The following MTMR10 variants were observed in gnomAD, a reference collection of about 807,000 sequenced individuals.
MTMR10 encodes the protein myotubularin related protein 10, also known as myotubularin-related protein 10.
MTMR10 carries 56 observed loss-of-function variants against 88.1 expected under a neutral mutation model. The observed-to-expected ratio is 0.64, with a 90% CI of 0.51 to 0.79. The LOEUF (loss-of-function observed/expected upper bound fraction) is 0.79, where lower values mean the gene tolerates loss of function less well. Among genes scored for constraint, MTMR10 ranks in the 30% least tolerant of loss-of-function variants. MTMR10 has a pLI of 0.00. For synonymous variants in MTMR10, 380 were observed against 340.9 expected, an observed-to-expected ratio of 1.11 and a Z score of -1.26; for missense variants, 883 against 924.7, an observed-to-expected ratio of 0.95 and a Z score of 0.58.
At chr15:30,981,351 T>A (rs1203734999) in intron 2 of MTMR10, among the ~76,000 whole-genome samples, 1 of 152,258 alleles carries the variant, frequency 6.6e-6, no homozygotes, top group African/African-American at 2.4e-5. Context: ...ACCTGACAGA[T>A]ATCACTTTAA....
intron 2 of MTMR10, among the ~76,000 whole-genome samples, chr15:30,983,688 C>T (rs1050848109): frequency 3.3e-5 from 5 of 152,202 alleles, no homozygotes; most frequent in Admixed American, 6.5e-5. Flanking sequence ...CCCAGTTTGT[C>T]TGGGACAGAG....
Position 30,939,947 on chromosome 15 carries a change from CTCCTG to C in MTMR10, c.*1518_*1522del, listed in dbSNP as rs2062982556. ...AATTTCTTAAGATATTTTTTAAGAA[CTCCTG>C]TCCTGTTATATCCAGAGACATTATC... is the stretch of plus-strand genomic sequence containing the variant. On this transcript the variant is annotated 3_prime_UTR_variant, in exon 16 of 16. Coordinates refer to ENST00000435680, the MANE Select transcript of MTMR10 (RefSeq NM_017762.3). The C allele has an allele frequency of 1.0e-5, 10 of 984,578 alleles. No individual in the cohort carries two copies. Among genetic ancestry groups the C allele is most frequent in the Non-Finnish European group, 1.2e-5 (10 of 829,250 alleles). The allele number at this position is 984,578 out of a possible 1,614,324, so 61.0% of individuals were successfully genotyped here.
Position 30,939,947 on chromosome 15 carries a change from C to A in MTMR10, c.*1523G>T. The A allele has an allele frequency of 1.0e-6, 1 of 984,696 alleles. No homozygotes were observed. The highest frequency in any genetic ancestry group is 1.7e-5 in the African/African-American group (1 of 57,364). The allele number at this position is 984,696 out of a possible 1,614,324, so 61.0% of individuals were successfully genotyped here. A position where few individuals can be genotyped will look rare whatever the true frequency, so the allele number is the denominator to read the frequency against. ...AATTTCTTAAGATATTTTTTAAGAA[C>A]TCCTGTCCTGTTATATCCAGAGACA... is the stretch of plus-strand genomic sequence containing the variant. On this transcript the variant is annotated 3_prime_UTR_variant, in exon 16 of 16. Transcript: ENST00000435680.
At chr15:30,981,986 G>A (rs150355309) in intron 2 of MTMR10, among the ~76,000 whole-genome samples, 2 of 151,514 alleles carry the variant, frequency 1.3e-5, no homozygotes, top group African/African-American at 4.9e-5. Context: ...CAGGAGAATC[G>A]CTCAAACTCG....
In MTMR10 at chr15:30,941,906, T is replaced by C; in HGVS notation, c.1898A>G (p.Glu633Gly). 6.2e-7 allele frequency: 1 copy of C among 1,614,014 alleles called. No homozygotes were observed. The highest frequency in any genetic ancestry group is 8.5e-7 in the Non-Finnish European group (1 of 1,179,898). The change falls in exon 16 of 16, where the codon GAA becomes GGA. Residue 633 changes from glutamate (E) to glycine (G), a missense_variant. By Grantham distance (98) the Glu-to-Gly change is moderately conservative. Transcript: ENST00000435680. ...QNSDTEQYFREWFSKPANLHG... is the reference protein window; with the variant it reads ...QNSDTEQYFRGWFSKPANLHG... ...CAGGTTGGCGGGTTTGGAAAACCAT[T>C]CTCTAAAATACTGCTCCGTATCACT...
At position 30,990,766 on chromosome 15, in the gene MTMR10, C is replaced by G. The variant is rs1566974209; in HGVS notation, c.121+11G>C. ...GCTAAAGTATCTGTTAGAATCCTAA[C>G]TAATGTTTACCTGGCAAAAGGACTG... On this transcript the variant is annotated intron_variant, in intron 2 of 15. Coordinates refer to ENST00000435680, the MANE Select transcript of MTMR10 (RefSeq NM_017762.3). The G allele has an allele frequency of 6.2e-7, 1 of 1,605,852 alleles. No individual in the cohort carries two copies. The highest frequency in any genetic ancestry group is 8.5e-7 in the Non-Finnish European group (1 of 1,175,282).
chr15:30,929,194 G>A, the MTMR10 span: 2 of 1,609,498 alleles, frequency 1.2e-6, no homozygotes, highest in South Asian at 1.1e-5. Context: ...TGCTTTCCCT[G>A]TGACACAGGC....
chr15:30,950,070 TTAAAAA>T (rs2063222720), intron 12 of MTMR10: 1 of 139,566 alleles, frequency 7.2e-6, no homozygotes, highest in Non-Finnish European at 1.6e-5. Flanking sequence ...AACAAACTGT[TTAAAAA>T]TAAACGTATA....
downstream of MTMR10, among the ~76,000 whole-genome samples, chr15:30,938,748 T>TATCA (rs955353519): frequency 6.6e-6 from 1 of 152,210 alleles, no homozygotes; most frequent in African/African-American, 2.4e-5. Flanking sequence ...GGGCATGATC[T>TATCA]ATCAATATCC....
chr15:30,931,517 A>ACCTTT, the MTMR10 span, among the ~76,000 whole-genome samples: 3 of 152,120 alleles, frequency 2.0e-5, no homozygotes, highest in African/African-American at 7.2e-5. Flanking sequence ...GGTCACAAAG[A>ACCTTT]GTTTCTCCTT....
At chr15:30,990,498 T>C (rs892643940) in intron 2 of MTMR10, among the ~76,000 whole-genome samples, 13 of 152,198 alleles carry the variant, frequency 8.5e-5, no homozygotes, top group African/African-American at 2.7e-4. Flanking sequence ...AAATGATTAA[T>C]CATTAATGCA....
At chr15:30,990,960 CT>C in intron 1 of MTMR10, 123 bp from the exon 2 acceptor site, 1 of 783,546 alleles carries the variant, frequency 1.3e-6, no homozygotes, top group Non-Finnish European at 2.0e-6. Flanking sequence ...CATTTAAATT[CT>C]TTCGCATATT....
intron 11 of MTMR10, 91 bp from the exon 12 acceptor site, chr15:30,952,129 CT>C (rs2063257230): frequency 9.4e-7 from 1 of 1,064,412 alleles, no homozygotes; most frequent in Non-Finnish European, 1.4e-6. Flanking sequence ...TAATTTCTCA[CT>C]TTACAGATGC....
chr15:30,925,132 C>T, the MTMR10 span: 1 of 1,613,248 alleles, frequency 6.2e-7, no homozygotes, highest in South Asian at 1.1e-5. Flanking sequence ...GCCAGACTAT[C>T]AAGTGCATCA....
the MTMR10 span, among the ~76,000 whole-genome samples, chr15:30,929,963 AAT>A: frequency 8.0e-6 from 1 of 125,000 alleles, no homozygotes; most frequent in South Asian, 2.2e-4. Flanking sequence ...TATATCATAT[AAT>A]ATATAAAATA....
the MTMR10 span, chr15:30,930,683 C>A: frequency 1.2e-6 from 2 of 1,612,118 alleles, no homozygotes; most frequent in Admixed American, 1.7e-5. Context: ...TCAGTTGAGG[C>A]AGAATGGAAA....
At chr15:30,920,623 G>A in the MTMR10 span, 2 of 1,611,176 alleles carry the variant, frequency 1.2e-6, no homozygotes, top group Admixed American at 1.7e-5. Context: ...CTCGGTTTGT[G>A]GAAATACTGC....
intron 4 of MTMR10, 116 bp from the exon 5 acceptor site, chr15:30,974,572 C>A (rs750170819): frequency 5.6e-5 from 57 of 1,013,658 alleles, no homozygotes; most frequent in Non-Finnish European, 7.1e-5. Context: ...TTGAGCTCTG[C>A]TTGTCTAGAA....
intron 13 of MTMR10, 73 bp downstream of exon 13, chr15:30,948,229 T>C: frequency 3.6e-6 from 5 of 1,394,894 alleles, no homozygotes; most frequent in Non-Finnish European, 4.8e-6. Flanking sequence ...AAAAGCCCCT[T>C]CATCTTTTAA....
Sources: gnomAD v4.1 joint callset for allele counts (sites outside exome capture counted in the v4.1 genomes callset) on GRCh38, gnomAD v4.1.1 for gene constraint, MANE v1.5 for transcripts, NCBI Gene and HGNC (gene_info 2026-07-23, HGNC 2026-07-21) for gene names.